MFF: variants seen among roughly 807,000 people sequenced by gnomAD.
MFF encodes the protein mitochondrial fission factor.
In MFF, 12 loss-of-function variants were observed where a neutral mutation model predicts 36.9. That is an observed-to-expected ratio of 0.33 (90% CI 0.21 to 0.53). MFF has a LOEUF of 0.53. MFF is among the 20% of genes least tolerant of loss of function. The pLI, the probability that MFF is intolerant of heterozygous loss-of-function variation, is 0.95. For missense variants in MFF, 348 were observed against 366.6 expected (o/e 0.95, Z 0.42); for synonymous variants, 99 against 126.2 (o/e 0.78, Z 1.44).
chr2:227,334,102 A>T (rs1156563886), intron 4 of MFF, among the ~76,000 whole-genome samples: 5 of 152,250 alleles, frequency 3.3e-5, no homozygotes, highest in African/African-American at 1.2e-4. Context: ...TACTAACCAC[A>T]TAACTTTGGG....
intron 5 of MFF, chr2:227,342,968 C>G (rs1450823960): frequency 1.8e-6 from 1 of 557,030 alleles, no homozygotes; most frequent in Non-Finnish European, 3.1e-6. Flanking sequence ...CAGGATTTCT[C>G]AAACTGTCAT....
At chr2:227,329,519 C>T (rs2074414201) in intron 2 of MFF, 2 of 390,384 alleles carry the variant, frequency 5.1e-6, no homozygotes, top group Non-Finnish European at 4.5e-6. Flanking sequence ...ATCCAAAAGT[C>T]ATTTTACGTA....
In MFF at chr2:227,357,151, C is replaced by T. The variant is rs1240509070; in HGVS notation, c.*34C>T. ...TCAGCCCTCAAAAATACTGTCTCAACAGCTGGAAATATAAAAGATTTGCAA... is the reference window on the plus strand; with the variant it reads ...TCAGCCCTCAAAAATACTGTCTCAATAGCTGGAAATATAAAAGATTTGCAA... On this transcript the variant is annotated 3_prime_UTR_variant, in exon 9 of 9. Transcript: ENST00000304593. The T allele has an allele frequency of 1.3e-6, 2 of 1,595,378 alleles. No homozygotes were observed. The highest frequency in any genetic ancestry group is 2.7e-5 in the African/African-American group (2 of 74,020).
chr2:227,326,285 G>A (rs2074119473), intron 1 of MFF, among the ~76,000 whole-genome samples: 1 of 147,916 alleles, frequency 6.8e-6, no homozygotes, highest in African/African-American at 2.5e-5. Context: ...TTGTATTCAG[G>A]CCTCTCATCC....
chr2:227,326,131 CT>C (rs2074100215), intron 1 of MFF, among the ~76,000 whole-genome samples: 1 of 151,976 alleles, frequency 6.6e-6, no homozygotes, highest in Non-Finnish European at 1.5e-5. Context: ...AAGAACACCC[CT>C]GTCTACCTCC....
At chr2:227,351,177 AAT>A (rs1409684485) in intron 6 of MFF, among the ~76,000 whole-genome samples, 1 of 152,162 alleles carries the variant, frequency 6.6e-6, no homozygotes, top group African/African-American at 2.4e-5. Flanking sequence ...CCACAGAGTA[AAT>A]ATGTTAGTAG....
rs10549336 is a variant in MFF at position 227,331,959 on chromosome 2, ATTT to A, written c.182-432_182-430del. 1.9e-3 allele frequency among the ~76,000 whole-genome samples: 148 copies of A among 76,818 alleles called. 6 individuals are homozygous for A. The highest frequency in any genetic ancestry group is 9.1e-3 in the South Asian group (18 of 1,970). The allele number at this position is 76,818 out of a possible 152,430, so 50.4% of individuals were successfully genotyped here. Reference sequence around the variant, plus strand: ...AGTGAAATGTCAATACGCTGGAAGCATTTTTTTTTTTTTTTTTTTTTTTTTTTT... The same window carrying A: ...AGTGAAATGTCAATACGCTGGAAGCATTTTTTTTTTTTTTTTTTTTTTTTT... On this transcript the variant is annotated intron_variant, in intron 3 of 8. Transcript: ENST00000304593.
chr2:227,357,775 TAAA>T lies in MFF; in HGVS notation c.*662_*664del, dbSNP rs1203957119. On this transcript the variant is annotated 3_prime_UTR_variant, in exon 9 of 9. Coordinates refer to ENST00000304593, the MANE Select transcript of MFF (RefSeq NM_001277062.2). The stretch of plus-strand genomic sequence containing the variant: ...TTACTCAGTTCATGCGTGAACAATT[TAAA>T]AAACGACAGAATAAGGTACAAATGT... 1 of 152,188 alleles carries T rather than the reference TAAA, an allele frequency of 6.6e-6. No homozygotes were observed. The highest frequency in any genetic ancestry group is 2.4e-5 in the African/African-American group (1 of 41,422). 9.4% of individuals were successfully genotyped at this position (152,188 alleles called of 1,614,324 possible).
In MFF at chr2:227,332,738, A is replaced by G. The variant is rs370911080; in HGVS notation, c.351+150A>G. 5.0e-5 allele frequency: 28 copies of G among 563,040 alleles called. No individual in the cohort carries two copies. The African/African-American group carries it at 5.0e-4, about 10-fold the overall frequency. The allele number at this position is 563,040 out of a possible 1,614,324, so 34.9% of individuals were successfully genotyped here. ...AATAATTCTAATTTACAAATGTGCCAAATAAGTTATTATGCTATTTTTAAA... is the reference window on the plus strand; with the variant it reads ...AATAATTCTAATTTACAAATGTGCCGAATAAGTTATTATGCTATTTTTAAA... On this transcript the variant is annotated intron_variant, in intron 4 of 8. Coordinates refer to ENST00000304593, the MANE Select transcript of MFF (RefSeq NM_001277062.2).
intron 6 of MFF, among the ~76,000 whole-genome samples, chr2:227,347,684 G>C (rs2106435588): frequency 6.6e-6 from 1 of 152,278 alleles, no homozygotes; most frequent in East Asian, 1.9e-4. Flanking sequence ...ATATGCCAAG[G>C]GGCCCCGTCC....
chr2:227,337,153 T>C (rs903869453), intron 4 of MFF, among the ~76,000 whole-genome samples: 2 of 152,254 alleles, frequency 1.3e-5, no homozygotes, highest in Non-Finnish European at 2.9e-5. Flanking sequence ...AATTCAGAGA[T>C]GGACACTTGC....
At chr2:227,331,091 G>T (rs1451155340) in intron 3 of MFF, among the ~76,000 whole-genome samples, 1 of 151,990 alleles carries the variant, frequency 6.6e-6, no homozygotes, top group Non-Finnish European at 1.5e-5. Context: ...GATGAGTTTT[G>T]ACAAAAGTGA....
chr2:227,329,477 G>A (rs2074412501), intron 2 of MFF: 1 of 356,996 alleles, frequency 2.8e-6, no homozygotes, highest in Admixed American at 5.2e-5. Context: ...TTAACAATTG[G>A]TTTCTCAAAT....
At chr2:227,342,582 G>A (rs561434269) in intron 5 of MFF, among the ~76,000 whole-genome samples, 21 of 152,262 alleles carry the variant, frequency 1.4e-4, no homozygotes, top group African/African-American at 4.3e-4. Context: ...ACGGGTATGA[G>A]AGCAGGAGCA....
At chr2:227,355,486 A>G in intron 7 of MFF, 191 bp from the exon 8 acceptor site, 1 of 347,128 alleles carries the variant, frequency 2.9e-6, no homozygotes, top group Non-Finnish European at 5.3e-6. Flanking sequence ...TATTGTAGAC[A>G]GTTGTCATTT....
chr2:227,329,507 A>C (rs1399989655), intron 2 of MFF: 2 of 386,754 alleles, frequency 5.2e-6, no homozygotes, highest in Non-Finnish European at 9.2e-6. Context: ...AGCCATGTTC[A>C]AATCCAAAAG....
intron 6 of MFF, among the ~76,000 whole-genome samples, chr2:227,348,388 T>G (rs1304481493): frequency 2.0e-5 from 3 of 152,146 alleles, no homozygotes; most frequent in Admixed American, 2.0e-4. Context: ...ATCCAGGGCC[T>G]TTCTGAGCCT....
chr2:227,334,498 G>A (rs971020498), intron 4 of MFF, among the ~76,000 whole-genome samples: 1 of 152,170 alleles, frequency 6.6e-6, no homozygotes, highest in Non-Finnish European at 1.5e-5. Context: ...AGCAGTAAGG[G>A]CCTGAGTACT....
At chr2:227,354,704 T>C (rs764055366) in intron 7 of MFF, among the ~76,000 whole-genome samples, 1 of 149,444 alleles carries the variant, frequency 6.7e-6, no homozygotes, top group Non-Finnish European at 1.5e-5. Context: ...TTTAATATGC[T>C]TTCTCTGGAT....
Sources: allele counts gnomAD v4.1 joint callset (sites outside exome capture counted in the v4.1 genomes callset), GRCh38; gene constraint gnomAD v4.1.1; transcripts MANE v1.5; gene names NCBI Gene and HGNC (gene_info 2026-07-23, HGNC 2026-07-21).